DMXL2: variants seen among roughly 807,000 people sequenced by gnomAD.
The protein encoded by DMXL2 is dmX-like protein 2.
A neutral mutation model predicts 331.1 loss-of-function variants in DMXL2; 103 were observed. The observed-to-expected ratio is 0.31, with a 90% CI of 0.27 to 0.37. The LOEUF is 0.37. Among genes scored for constraint, DMXL2 ranks in the 10% least tolerant of loss-of-function variants. The pLI is 1.00. For missense variants in DMXL2, 3,171 were observed against 3,642.9 expected (o/e 0.87, Z 3.33); for synonymous variants, 1,281 against 1,252.1 (o/e 1.02, Z -0.49).
chr15:51,564,065 C>T, intron 5 of DMXL2, 60 bp downstream of exon 5: 1 of 1,499,034 alleles, frequency 6.7e-7, no homozygotes. Flanking sequence ...TGAAAGGAAA[C>T]ATATTTTAGG....
At position 51,502,314 on chromosome 15, in the gene DMXL2, G is replaced by GTGTGTGTGTGTGTGTGTGTA. The variant is rs1555422992; in HGVS notation, c.2992+491_2992+492insTACACACACACACACACACA. Reference sequence around the variant, plus strand: ...CAGGAAATTTTGTGGGTTTGTGTGTGTGTGTGTGTGTGTGTGTGTGTGTGT... The same window carrying GTGTGTGTGTGTGTGTGTGTA: ...CAGGAAATTTTGTGGGTTTGTGTGTGTGTGTGTGTGTGTGTGTGTATGTGTGTGTGTGTGTGTGTGTGTGT... On this transcript the variant is annotated intron_variant, in intron 17 of 43. Transcript: ENST00000560891. Among the ~76,000 whole-genome samples, 94 of 150,828 alleles carry GTGTGTGTGTGTGTGTGTGTA rather than the reference G, an allele frequency of 6.2e-4. 2 individuals are homozygous for GTGTGTGTGTGTGTGTGTGTA. Among genetic ancestry groups the GTGTGTGTGTGTGTGTGTGTA allele is most frequent in the African/African-American group, 2.2e-3 (89 of 41,096 alleles).
At chr15:51,568,952 A>G (rs1469724807) in intron 2 of DMXL2, among the ~76,000 whole-genome samples, 1 of 152,088 alleles carries the variant, frequency 6.6e-6, no homozygotes, top group East Asian at 1.9e-4. Flanking sequence ...TACAGCCCGC[A>G]GAGGTTGAGC....
intron 17 of DMXL2, among the ~76,000 whole-genome samples, chr15:51,502,216 G>C (rs1360320168): frequency 7.1e-6 from 1 of 141,398 alleles, no homozygotes; most frequent in Non-Finnish European, 1.5e-5. Context: ...CTGGGCGACA[G>C]AGTGAGACTC....
In DMXL2 at chr15:51,481,177, C is replaced by T. The variant is rs775491195; in HGVS notation, c.5929G>A (p.Asp1977Asn). ...GCACTGTCGTGATCTTCACCCCAATCAAGATTAAGAGGTTCCTCATCAACT... is the reference window on the plus strand; with the variant it reads ...GCACTGTCGTGATCTTCACCCCAATTAAGATTAAGAGGTTCCTCATCAACT... The part of the protein sequence containing the change: ...VKVDEEPLNL[D>N]WGEDHDSALD... The change falls in exon 24 of 44, where the codon GAT becomes AAT. Residue 1977 changes from aspartate (D) to asparagine (N), a missense_variant. Coordinates refer to ENST00000560891, the MANE Select transcript of DMXL2 (RefSeq NM_001378457.1). 1 of 1,613,838 alleles carries T rather than the reference C, an allele frequency of 6.2e-7. No homozygotes were observed.
intron 17 of DMXL2, among the ~76,000 whole-genome samples, chr15:51,500,468 G>A (rs1228723276): frequency 6.6e-6 from 1 of 152,110 alleles, no homozygotes; most frequent in Non-Finnish European, 1.5e-5. Flanking sequence ...CACTTAATTT[G>A]TTTTTAGGTA....
intron 6 of DMXL2, among the ~76,000 whole-genome samples, chr15:51,553,847 A>C (rs1007857870): frequency 2.0e-5 from 3 of 151,532 alleles, no homozygotes; most frequent in African/African-American, 7.3e-5. Context: ...GTGTTAATTT[A>C]TTGTTTATTT....
At position 51,576,200 on chromosome 15, in the gene DMXL2, A is replaced by AAAAAAAAAAAAAAAAATTTTT; in HGVS notation, c.88-20_88-19insAAAAATTTTTTTTTTTTTTTT. 6.9e-7 allele frequency: 1 copy of AAAAAAAAAAAAAAAAATTTTT among 1,455,840 alleles called. No individual in the cohort carries two copies. Among genetic ancestry groups the AAAAAAAAAAAAAAAAATTTTT allele is most frequent in the Non-Finnish European group, 9.1e-7 (1 of 1,097,014 alleles). 90.2% of individuals were successfully genotyped at this position (1,455,840 alleles called of 1,614,324 possible). A position where few individuals can be genotyped will look rare whatever the true frequency, so the allele number is the denominator to read the frequency against. On this transcript the variant is annotated intron_variant, in intron 1 of 43. Coordinates refer to ENST00000560891, the MANE Select transcript of DMXL2 (RefSeq NM_001378457.1). Reference sequence around the variant, plus strand: ...CATATGCCTAAAAAAAAAAAAAAAAAAAAGTTTTACAATACATAAGATATG... The same window carrying AAAAAAAAAAAAAAAAATTTTT: ...CATATGCCTAAAAAAAAAAAAAAAAAAAAAAAAAAAAAAAAATTTTTAAAGTTTTACAATACATAAGATATG...
chr15:51,583,215 C>G (rs1295172929), intron 1 of DMXL2, among the ~76,000 whole-genome samples: 4 of 103,496 alleles, frequency 3.9e-5, no homozygotes, highest in African/African-American at 1.6e-4. Context: ...CATGCTGGTG[C>G]GCTGCACCCA....
rs903105738 is a variant in DMXL2 at position 51,450,025 on chromosome 15, C to T, written c.8967+104G>A. ...GATATGCAGTATCTCCATGCAGTAG[C>T]CCAAGTGAAATAAAGTGAAGCTTTA... On this transcript the variant is annotated intron_variant, in intron 43 of 43. Coordinates refer to ENST00000560891, the MANE Select transcript of DMXL2 (RefSeq NM_001378457.1). 2.6e-5 allele frequency: 27 copies of T among 1,053,392 alleles called. No individual in the cohort carries two copies. In the South Asian group the frequency reaches 4.1e-4, roughly 16 times the overall value. 65.3% of individuals were successfully genotyped at this position (1,053,392 alleles called of 1,614,324 possible). A position where few individuals can be genotyped will look rare whatever the true frequency, so the allele number is the denominator to read the frequency against.
chr15:51,608,918 T>A (rs771613703), intron 1 of DMXL2, among the ~76,000 whole-genome samples: 2 of 152,112 alleles, frequency 1.3e-5, no homozygotes, highest in African/African-American at 2.4e-5. Flanking sequence ...AAGTAACATA[T>A]GGGTAAATCT....
chr15:51,473,597 C>T (rs1342513409), intron 28 of DMXL2, among the ~76,000 whole-genome samples: 1 of 152,120 alleles, frequency 6.6e-6, no homozygotes, highest in African/African-American at 2.4e-5. Flanking sequence ...AGGTTAGTGT[C>T]ATTAAACTTG....
Position 51,458,813 on chromosome 15 carries a change from G to A in DMXL2, c.7990-18C>T. The A allele has an allele frequency of 6.2e-7, 1 of 1,609,894 alleles. No homozygotes were observed. The highest frequency in any genetic ancestry group is 1.7e-4 in the Middle Eastern group (1 of 6,044). The stretch of plus-strand genomic sequence containing the variant: ...GCTTCAACCTAGAAAACATTCATCA[G>A]CAGTTTTAGTTGCTGCAGCACAGCT... On this transcript the variant is annotated intron_variant, in intron 34 of 43. Coordinates refer to ENST00000560891, the MANE Select transcript of DMXL2 (RefSeq NM_001378457.1).
chr15:51,538,413 T>G lies in DMXL2; in HGVS notation c.1145A>C (p.Asp382Ala). Residue 382 changes from aspartate to alanine, a missense_variant, in exon 10 of 44, where the codon GAT becomes GCT. Transcript: ENST00000560891. The stretch of plus-strand genomic sequence containing the variant: ...AACTACAAAGCCCCCATTTCCATCA[T>G]CAACATTAAATGCAGTGCCAACCAA... ...NVLVGTAFNV[D>A]DGNGGFVVHW... 1 of 1,612,638 alleles carries G rather than the reference T, an allele frequency of 6.2e-7. No homozygotes were observed. The highest frequency in any genetic ancestry group is 8.5e-7 in the Non-Finnish European group (1 of 1,178,830).
intron 32 of DMXL2, 94 bp from the exon 33 acceptor site, chr15:51,463,590 T>C: frequency 2.7e-6 from 2 of 729,754 alleles, no homozygotes; most frequent in Non-Finnish European, 4.4e-6. Context: ...CACAATCTAT[T>C]GCAAAGATAT....
At chr15:51,565,556 C>G (rs916536669) in intron 3 of DMXL2, among the ~76,000 whole-genome samples, 1 of 152,174 alleles carries the variant, frequency 6.6e-6, no homozygotes, top group African/African-American at 2.4e-5. Context: ...GCACCAATAC[C>G]ACTTTTACAT....
At chr15:51,529,833 T>C (rs1312194514) in intron 13 of DMXL2, among the ~76,000 whole-genome samples, 1 of 152,154 alleles carries the variant, frequency 6.6e-6, no homozygotes, top group African/African-American at 2.4e-5. Flanking sequence ...ATAACTCTGA[T>C]GAATATTGAT....
intron 1 of DMXL2, among the ~76,000 whole-genome samples, chr15:51,622,221 T>A (rs1013819369): frequency 6.6e-6 from 1 of 152,016 alleles, no homozygotes; most frequent in Non-Finnish European, 1.5e-5. Context: ...TTGCTTGGGG[T>A]GGAGAGTGCG....
At chr15:51,517,405 T>C (rs956830496) in intron 13 of DMXL2, among the ~76,000 whole-genome samples, 1 of 152,238 alleles carries the variant, frequency 6.6e-6, no homozygotes, top group African/African-American at 2.4e-5. Flanking sequence ...GTATCATATC[T>C]TCTTCATTTT....
In DMXL2 at chr15:51,455,089, A is replaced by C. The variant is rs959657960; in HGVS notation, c.8604+62T>G. The C allele has an allele frequency of 7.6e-6, 10 of 1,312,502 alleles. No homozygotes were observed. In the Admixed American group the frequency reaches 1.7e-4, roughly 22 times the overall value. The allele number at this position is 1,312,502 out of a possible 1,614,324, so 81.3% of individuals were successfully genotyped here. ...CCACCAATGAGATTCACTGTCTGAA[A>C]CAGACACTTCATGAACAAAGTGTTG... is the stretch of plus-strand genomic sequence containing the variant. On this transcript the variant is annotated intron_variant, in intron 40 of 43. Transcript: ENST00000560891.
Sources: allele counts gnomAD v4.1 joint callset (sites outside exome capture counted in the v4.1 genomes callset), GRCh38; gene constraint gnomAD v4.1.1; transcripts MANE v1.5; gene names NCBI Gene and HGNC (gene_info 2026-07-23, HGNC 2026-07-21).